KLF8: variants seen among roughly 807,000 people sequenced by gnomAD.
KLF8 encodes the protein Krueppel-like factor 8.
A neutral mutation model predicts 18.2 loss-of-function variants in KLF8; 10 were observed. The observed-to-expected ratio is 0.55, with a 90% CI of 0.34 to 0.93. The LOEUF is 0.93. Ranked by LOEUF, KLF8 falls within the 40% of genes least tolerant of loss-of-function variation. KLF8 has a pLI of 0.02. For missense variants in KLF8, 264 were observed against 277.9 expected, an observed-to-expected ratio of 0.95 and a Z score of 0.36; for synonymous variants, 109 against 97.3, an observed-to-expected ratio of 1.12 and a Z score of -0.71.
chrX:56,189,580 T>C, the KLF8 span, among the ~76,000 whole-genome samples: 1 of 111,076 alleles, frequency 9.0e-6, no homozygotes, highest in Non-Finnish European at 1.9e-5. Context: ...CATATGTTTA[T>C]TGTGGCATTA....
chrX:56,187,667 TA>T, the KLF8 span, among the ~76,000 whole-genome samples: 3 of 110,677 alleles, frequency 2.7e-5, no homozygotes, highest in African/African-American at 9.9e-5. Flanking sequence ...TCAAAAAACT[TA>T]TCCACCATGA....
At chrX:56,153,463 A>G in the KLF8 span, among the ~76,000 whole-genome samples, 5 of 111,818 alleles carry the variant, frequency 4.5e-5, no homozygotes, top group East Asian at 1.4e-3. Context: ...TCAATCTGTA[A>G]CAATCTGTTG....
the KLF8 span, among the ~76,000 whole-genome samples, chrX:56,188,458 T>C: frequency 5.4e-5 from 6 of 111,764 alleles, no homozygotes; most frequent in South Asian, 1.1e-3. Flanking sequence ...AGGTAATTTA[T>C]AGATTCAATG....
At chrX:56,118,753 T>G in the KLF8 span, among the ~76,000 whole-genome samples, 1 of 112,018 alleles carries the variant, frequency 8.9e-6, no homozygotes, top group East Asian at 2.8e-4. Flanking sequence ...GTGATAAAAT[T>G]TTGCCAATAA....
At chrX:55,919,474 G>C in the KLF8 span, among the ~76,000 whole-genome samples, 1 of 111,740 alleles carries the variant, frequency 8.9e-6, no homozygotes, top group Non-Finnish European at 1.9e-5. Flanking sequence ...GGTCTGGGGC[G>C]AGTTCTCAGC....
At chrX:55,998,167 T>C in the KLF8 span, among the ~76,000 whole-genome samples, 1 of 112,708 alleles carries the variant, frequency 8.9e-6, no homozygotes, top group Non-Finnish European at 1.9e-5. Context: ...AAGGCGGTTT[T>C]TCCCTATCTC....
intron 5 of KLF8, among the ~76,000 whole-genome samples, chrX:56,272,086 A>G (rs2067064597): frequency 9.0e-6 from 1 of 111,677 alleles, no homozygotes; most frequent in Non-Finnish European, 1.9e-5. Context: ...ATATGAAGGG[A>G]AAAAATGGCC....
At chrX:56,147,988 A>G in the KLF8 span, among the ~76,000 whole-genome samples, 10 of 112,190 alleles carry the variant, frequency 8.9e-5, no homozygotes, top group Non-Finnish European at 1.9e-4. Context: ...AAAACAAAAC[A>G]AAACTAGAGA....
chrX:55,914,336 AC>A, the KLF8 span, among the ~76,000 whole-genome samples: 2 of 111,967 alleles, frequency 1.8e-5, no homozygotes, highest in Admixed American at 9.5e-5. Flanking sequence ...GCCTGGGTAT[AC>A]AAAAATCTGA....
chrX:56,275,368 A>AT (rs987729762), intron 5 of KLF8, among the ~76,000 whole-genome samples: 1 of 111,329 alleles, frequency 9.0e-6, no homozygotes, highest in Admixed American at 9.6e-5. Context: ...AACTTTACTA[A>AT]TTTTTTTTAA....
the KLF8 span, among the ~76,000 whole-genome samples, chrX:56,121,421 G>C: frequency 9.0e-6 from 1 of 111,298 alleles, no homozygotes; most frequent in African/African-American, 3.3e-5. Context: ...GAGTGGGCAG[G>C]ACTGACTTGT....
At chrX:56,069,568 G>A in the KLF8 span, among the ~76,000 whole-genome samples, 1 of 112,022 alleles carries the variant, frequency 8.9e-6, no homozygotes, top group Non-Finnish European at 1.9e-5. Flanking sequence ...AGCCAGGTGA[G>A]TCATGCCTGA....
At chrX:56,000,480 G>C in the KLF8 span, among the ~76,000 whole-genome samples, 1 of 87,460 alleles carries the variant, frequency 1.1e-5, no homozygotes, top group East Asian at 4.4e-4. Context: ...TTTCTTGGGG[G>C]GGGGGGGAGG....
the KLF8 span, among the ~76,000 whole-genome samples, chrX:56,171,510 T>C: frequency 1.7e-4 from 19 of 110,983 alleles, no homozygotes; most frequent in Admixed American, 1.5e-3. Flanking sequence ...TCTCCTAATG[T>C]TATCCCTCCC....
the KLF8 span, among the ~76,000 whole-genome samples, chrX:56,216,497 A>G: frequency 9.5e-6 from 1 of 105,212 alleles, no homozygotes; most frequent in Non-Finnish European, 2.0e-5. Context: ...AGAGCATACC[A>G]CCATATCTGG....
At chrX:56,091,843 C>T in the KLF8 span, among the ~76,000 whole-genome samples, 23 of 111,870 alleles carry the variant, frequency 2.1e-4, no homozygotes, top group Admixed American at 1.7e-3. Context: ...ATTGCAATTG[C>T]TAGATTGAAT....
the KLF8 span, among the ~76,000 whole-genome samples, chrX:55,946,781 A>C: frequency 1.8e-5 from 2 of 111,016 alleles, no homozygotes; most frequent in African/African-American, 6.5e-5. Context: ...AACTCAAACA[A>C]ATTTACAAGA....
At chrX:56,187,577 A>G in the KLF8 span, among the ~76,000 whole-genome samples, 6 of 111,531 alleles carry the variant, frequency 5.4e-5, no homozygotes, top group Non-Finnish European at 7.5e-5. Flanking sequence ...CCAAAAAAGA[A>G]AATTTTAGAC....
At chrX:56,079,324 A>G in the KLF8 span, among the ~76,000 whole-genome samples, 158 of 110,455 alleles carry the variant, frequency 1.4e-3, 1 homozygote, top group African/African-American at 4.9e-3. Context: ...TGCATCCCAG[A>G]GATTCTGGTA....
Sources: gnomAD v4.1 joint callset for allele counts (sites outside exome capture counted in the v4.1 genomes callset) on GRCh38, gnomAD v4.1.1 for gene constraint, MANE v1.5 for transcripts, NCBI Gene and HGNC (gene_info 2026-07-23, HGNC 2026-07-21) for gene names.